PRMT8: variants seen among roughly 807,000 people sequenced by gnomAD.
The protein encoded by PRMT8 is protein arginine N-methyltransferase 8.
PRMT8 carries 7 observed loss-of-function variants against 47.1 expected under a neutral mutation model. The ratio of observed to expected loss-of-function variants is 0.15; its 90% CI spans 0.08 to 0.28. PRMT8 has a LOEUF of 0.28. Among genes scored for constraint, PRMT8 ranks in the 10% least tolerant of loss-of-function variants. The pLI is 1.00. For synonymous variants in PRMT8, 188 were observed against 186.5 expected, an observed-to-expected ratio of 1.01 and a Z score of -0.07; for missense variants, 237 against 505.4, an observed-to-expected ratio of 0.47 and a Z score of 5.09.
rs1565452214 is a variant in PRMT8, at chr12:3,592,366, G to A, written c.1101+14G>A. 6.3e-7 allele frequency: 1 copy of A among 1,599,026 alleles called. No individual in the cohort carries two copies. Among genetic ancestry groups the A allele is most frequent in the South Asian group, 1.1e-5 (1 of 87,660 alleles). On this transcript the variant is annotated intron_variant, in intron 9 of 9. Transcript: ENST00000382622. ...GCCAAAAATGTGGTAAGTGCCGAGG[G>A]ACATAAGGACATAAGGGAGAAGGGC...
intron 7 of PRMT8, among the ~76,000 whole-genome samples, chr12:3,582,479 A>T (rs1310296440): frequency 6.6e-6 from 1 of 152,154 alleles, no homozygotes; most frequent in Non-Finnish European, 1.5e-5. Context: ...CCTTACTCCT[A>T]ATGTCATCCT....
intron 1 of PRMT8, among the ~76,000 whole-genome samples, chr12:3,406,469 C>G (rs535199113): frequency 6.6e-6 from 1 of 152,180 alleles, no homozygotes; most frequent in African/African-American, 2.4e-5. Context: ...TGTCAGGCTG[C>G]AAAATTTCCA....
intron 1 of PRMT8, among the ~76,000 whole-genome samples, chr12:3,480,812 G>A (rs1004833579): frequency 6.6e-5 from 10 of 152,206 alleles, no homozygotes; most frequent in African/African-American, 1.2e-4. Context: ...TGTAACTGGT[G>A]CTTGACCTCC....
intron 1 of PRMT8, among the ~76,000 whole-genome samples, chr12:3,511,276 C>T (rs779391250): frequency 2.6e-5 from 4 of 152,094 alleles, no homozygotes; most frequent in South Asian, 2.1e-4. Context: ...GTGCTGAATT[C>T]GTGCTGTTGA....
intron 1 of PRMT8, among the ~76,000 whole-genome samples, chr12:3,441,991 C>T (rs1457654014): frequency 6.6e-6 from 1 of 152,154 alleles, no homozygotes; most frequent in East Asian, 1.9e-4. Flanking sequence ...TCATCAGAAC[C>T]CAAACCGAAC....
intron 1 of PRMT8, among the ~76,000 whole-genome samples, chr12:3,421,633 G>T (rs754419046): frequency 1.3e-5 from 2 of 152,210 alleles, no homozygotes; most frequent in Non-Finnish European, 2.9e-5. Flanking sequence ...AGCCTGATAT[G>T]TGTCCCTGGG....
chr12:3,569,713 C>T lies in PRMT8; in HGVS notation c.712+149C>T, dbSNP rs1866811602. The T allele has an allele frequency of 1.9e-5, 13 of 696,408 alleles. No individual in the cohort carries two copies. The highest frequency in any genetic ancestry group is 2.6e-6 in the Non-Finnish European group (1 of 387,820). 43.1% of individuals were successfully genotyped at this position (696,408 alleles called of 1,614,324 possible). A position where few individuals can be genotyped will look rare whatever the true frequency, so the allele number is the denominator to read the frequency against. On this transcript the variant is annotated intron_variant, in intron 6 of 9. Transcript: ENST00000382622. The surrounding 1 kb of genome is among the most constrained non-coding windows in gnomAD (Gnocchi z 8.2). ...TCTGGGACCCTTTCTGGAGTCTGCT[C>T]TCTAAATGTTTCTATCTAGTCCCAA...
chr12:3,568,653 G>C (rs1866779056), intron 4 of PRMT8, 53 bp from the exon 5 acceptor site: 1 of 1,608,450 alleles, frequency 6.2e-7, no homozygotes. Flanking sequence ...AGGTGCTTGT[G>C]GTTCCTGGGT....
At chr12:3,427,660 T>G (rs905057515) in intron 1 of PRMT8, among the ~76,000 whole-genome samples, 3 of 152,160 alleles carry the variant, frequency 2.0e-5, no homozygotes, top group Admixed American at 6.5e-5. Context: ...TAACATTTCT[T>G]GCATAAATTC....
intron 1 of PRMT8, among the ~76,000 whole-genome samples, chr12:3,454,537 G>A (rs1470272392): frequency 6.6e-6 from 1 of 152,186 alleles, no homozygotes; most frequent in African/African-American, 2.4e-5. Flanking sequence ...CCCTGGAGGA[G>A]AGAGGAGGAG....
rs533205411 is a variant in PRMT8 at position 3,424,384 on chromosome 12, C to T, written c.48+42942C>T. ...TTTTTTATCCAAGTGGCGCAAATGA[C>T]GCAAGACCAGCATCCACATTCATTT... On this transcript the variant is annotated intron_variant, in intron 1 of 9. Transcript: ENST00000452611. Among the ~76,000 whole-genome samples the T allele has an allele frequency of 4.6e-5, 7 of 152,296 alleles. No homozygotes were observed. The South Asian group carries it at 1.0e-3, about 23-fold the overall frequency.
intron 2 of PRMT8, among the ~76,000 whole-genome samples, chr12:3,545,312 G>A (rs1234619897): frequency 1.3e-5 from 2 of 152,188 alleles, no homozygotes; most frequent in African/African-American, 4.8e-5. Flanking sequence ...ATGGTTTTCC[G>A]GCTTACTGAG....
chr12:3,444,531 C>G (rs1864836879), intron 1 of PRMT8, among the ~76,000 whole-genome samples: 1 of 152,188 alleles, frequency 6.6e-6, no homozygotes, highest in South Asian at 2.1e-4. Context: ...TCTGTTTCTT[C>G]TAGGCATGTT....
rs372314014 is a variant in PRMT8 at position 3,550,115 on chromosome 12, A to C, written c.417+24A>C. 1.2e-6 allele frequency: 2 copies of C among 1,611,158 alleles called. No homozygotes were observed. The highest frequency in any genetic ancestry group is 3.3e-5 in the Admixed American group (2 of 59,960). On this transcript the variant is annotated intron_variant, in intron 3 of 9. Coordinates refer to ENST00000382622, the MANE Select transcript of PRMT8 (RefSeq NM_019854.5). The surrounding 1 kb of genome is among the most constrained non-coding windows in gnomAD (Gnocchi z 5.1). ...GGGTGAGCACGCCGCTTCCTCCTGCATGCTGGCTTCCACAGAGCCAGCCTC... is the reference window on the plus strand; with the variant it reads ...GGGTGAGCACGCCGCTTCCTCCTGCCTGCTGGCTTCCACAGAGCCAGCCTC...
intron 7 of PRMT8, among the ~76,000 whole-genome samples, chr12:3,579,907 G>A (rs759969654): frequency 4.6e-5 from 7 of 152,162 alleles, no homozygotes; most frequent in Non-Finnish European, 1.0e-4. Flanking sequence ...CTGAGGCCAA[G>A]TCAGTGGGTC....
At chr12:3,587,595 A>G (rs1867208523) in intron 8 of PRMT8, among the ~76,000 whole-genome samples, 2 of 152,168 alleles carry the variant, frequency 1.3e-5, no homozygotes, top group East Asian at 1.9e-4. Flanking sequence ...CACCTCCCGT[A>G]TCGCCTCCAG....
At chr12:3,464,887 G>T (rs1381840078) in intron 1 of PRMT8, among the ~76,000 whole-genome samples, 1 of 152,016 alleles carries the variant, frequency 6.6e-6, no homozygotes, top group Non-Finnish European at 1.5e-5. Flanking sequence ...CACTTTAGGA[G>T]GCCGAGGTGG....
At chr12:3,451,050 C>T (rs941263008) in intron 1 of PRMT8, among the ~76,000 whole-genome samples, 2 of 64,294 alleles carry the variant, frequency 3.1e-5, no homozygotes, top group Non-Finnish European at 8.4e-5. Flanking sequence ...CCCCCCCCCC[C>T]CCCCCGCCGA....
chr12:3,589,932 G>A (rs950588683), intron 8 of PRMT8, among the ~76,000 whole-genome samples: 1 of 152,214 alleles, frequency 6.6e-6, no homozygotes, highest in Non-Finnish European at 1.5e-5. Flanking sequence ...CTGAGCTGGT[G>A]TAGGTGGAAG....
Sources: gnomAD v4.1 joint callset for allele counts (sites outside exome capture counted in the v4.1 genomes callset) on GRCh38, gnomAD v4.1.1 for gene constraint, Gnocchi (gnomAD v3.1) non-coding constraint, MANE v1.5 for transcripts, NCBI Gene and HGNC (gene_info 2026-07-23, HGNC 2026-07-21) for gene names.